The following SLC5A11 variants were observed in gnomAD, a reference collection of about 807,000 sequenced individuals.
The protein encoded by SLC5A11 is solute carrier family 5 member 11.
Under a neutral mutation model 69.8 loss-of-function variants are expected in SLC5A11, and 48 were observed. The ratio of observed to expected loss-of-function variants is 0.69; its 90% CI spans 0.55 to 0.87. The LOEUF (loss-of-function observed/expected upper bound fraction) is 0.87. Among genes scored for constraint, SLC5A11 ranks in the 40% least tolerant of loss-of-function variants. SLC5A11 has a pLI of 0.00. For missense variants in SLC5A11, 784 were observed against 866.1 expected, an observed-to-expected ratio of 0.91 and a Z score of 1.19; for synonymous variants, 319 against 342.4, an observed-to-expected ratio of 0.93 and a Z score of 0.75.
intron 10 of SLC5A11, among the ~76,000 whole-genome samples, chr16:24,900,321 A>G (rs2049488023): frequency 6.6e-6 from 1 of 152,214 alleles, no homozygotes; most frequent in Non-Finnish European, 1.5e-5. Flanking sequence ...AAGAAAGGGT[A>G]GGATGAAGTG....
At chr16:24,849,593 A>AAATAT in intron 1 of SLC5A11, among the ~76,000 whole-genome samples, 3 of 35,910 alleles carry the variant, frequency 8.4e-5, no homozygotes, top group East Asian at 1.4e-3. Flanking sequence ...AAAAAAAAAA[A>AAATAT]ATATATATAT....
chr16:24,877,737 G>A (rs774461069), intron 7 of SLC5A11, among the ~76,000 whole-genome samples: 15 of 152,094 alleles, frequency 9.9e-5, no homozygotes, highest in Non-Finnish European at 1.8e-4. Context: ...TGTAATCCCT[G>A]CACTTTGGGA....
chr16:24,865,286 C>A (rs1447160909), intron 3 of SLC5A11, among the ~76,000 whole-genome samples: 1 of 152,164 alleles, frequency 6.6e-6, no homozygotes. Flanking sequence ...TTCGGCTGGG[C>A]ACGGTGGCTC....
At chr16:24,902,421 A>G (rs1288898751) in intron 10 of SLC5A11, among the ~76,000 whole-genome samples, 2 of 152,112 alleles carry the variant, frequency 1.3e-5, no homozygotes, top group Admixed American at 1.3e-4. Flanking sequence ...TTGAATCCAG[A>G]TGTAGCTGAT....
exon 2 of SLC5A11, chr16:24,858,742 T>TCTGTACTTCCTCTTTGTC: frequency 6.2e-7 from 1 of 1,611,884 alleles, no homozygotes; most frequent in South Asian, 1.1e-5. Flanking sequence ...CGGTGCTAGT[T>TCTGTACTTCCTCTTTGTC]CTGTACTTCC....
chr16:24,910,625 A>G, intron 15 of SLC5A11, 148 bp downstream of exon 16: 2 of 889,174 alleles, frequency 2.2e-6, no homozygotes, highest in Non-Finnish European at 3.3e-6. Flanking sequence ...ATCTGTCCCC[A>G]CGCTCCGGCC....
intron 1 of SLC5A11, among the ~76,000 whole-genome samples, chr16:24,854,795 C>T (rs2059455868): frequency 6.6e-6 from 1 of 152,038 alleles, no homozygotes; most frequent in South Asian, 2.1e-4. Flanking sequence ...TTGAGACAAC[C>T]CACAAGGGTC....
chr16:24,870,061 C>T lies in SLC5A11; in HGVS notation c.312+56C>T, dbSNP rs546090888. ...TCTTACCTCTACCTAACAGGTAGAT[C>T]TCAGGGGAAAGTTGTGTGAATGCCC... On this transcript the variant is annotated intron_variant, in intron 4 of 15. Transcript: ENST00000347898. The T allele has an allele frequency of 2.6e-5, 32 of 1,253,068 alleles. No homozygotes were observed. The East Asian group carries it at 7.5e-4, about 29-fold the overall frequency. The allele number at this position is 1,253,068 out of a possible 1,614,324, so 77.6% of individuals were successfully genotyped here.
chr16:24,883,714 G>A (rs2048194563), intron 7 of SLC5A11, among the ~76,000 whole-genome samples: 1 of 152,194 alleles, frequency 6.6e-6, no homozygotes, highest in African/African-American at 2.4e-5. Flanking sequence ...GCTTCTTAAA[G>A]CAAATGGTCT....
intron 3 of SLC5A11, among the ~76,000 whole-genome samples, chr16:24,863,787 A>C (rs2046748117): frequency 6.6e-6 from 1 of 152,140 alleles, no homozygotes; most frequent in Non-Finnish European, 1.5e-5. Context: ...CCCTGTTTCC[A>C]TCTCTCTCTC....
chr16:24,904,653 G>C (rs1225863591), intron 10 of SLC5A11, among the ~76,000 whole-genome samples: 2 of 152,042 alleles, frequency 1.3e-5, no homozygotes, highest in African/African-American at 4.8e-5. Flanking sequence ...GGCTCCACTG[G>C]CTCCCTCCTA....
chr16:24,882,899 G>C (rs951652797), intron 7 of SLC5A11, among the ~76,000 whole-genome samples: 1 of 152,150 alleles, frequency 6.6e-6, no homozygotes, highest in Non-Finnish European at 1.5e-5. Context: ...GTCTGCCTCA[G>C]CCTCCCAAAG....
At chr16:24,868,596 CAA>C (rs71156448) in intron 3 of SLC5A11, among the ~76,000 whole-genome samples, 5 of 123,912 alleles carry the variant, frequency 4.0e-5, no homozygotes, top group Non-Finnish European at 6.6e-5. Context: ...GACTCCGCCT[CAA>C]AAAAAAAAAA....
Position 24,902,657 on chromosome 16 carries a change from C to T in SLC5A11, c.1007-4000C>T, listed in dbSNP as rs148164740. ...CTGCCTCCTGGGTTGAAGCGATTCT[C>T]CTGCCTCAGCCTCCTGGGATTACAG... On this transcript the variant is annotated intron_variant, in intron 10 of 15. Transcript: ENST00000347898. Among the ~76,000 whole-genome samples, 548 of 151,076 alleles carry T rather than the reference C, an allele frequency of 3.6e-3. 2 individuals are homozygous for T. Among genetic ancestry groups the T allele is most frequent in the South Asian group, 0.012 (57 of 4,780 alleles).
intron 6 of SLC5A11, chr16:24,876,977 G>C: frequency 1.3e-6 from 1 of 784,380 alleles, no homozygotes; most frequent in Non-Finnish European, 1.7e-6. Context: ...TGATCATTAT[G>C]GTATTTAATG....
chr16:24,911,093 T>A (rs1466808697), intron 15 of SLC5A11, among the ~76,000 whole-genome samples: 3 of 140,794 alleles, frequency 2.1e-5, no homozygotes, highest in Admixed American at 7.6e-5. Context: ...CGCTTGAACC[T>A]GGGAGGTGGA....
At chr16:24,907,818 G>T in intron 12 of SLC5A11, 145 bp from the exon 14 acceptor site, 1 of 972,426 alleles carries the variant, frequency 1.0e-6, no homozygotes, top group Non-Finnish European at 1.5e-6. Context: ...CCCAGGAGTT[G>T]GAGGCTGCAG....
intron 3 of SLC5A11, among the ~76,000 whole-genome samples, chr16:24,869,160 G>A (rs368262854): frequency 1.3e-5 from 2 of 152,090 alleles, no homozygotes; most frequent in African/African-American, 4.8e-5. Context: ...GAGCCAGAGC[G>A]CCCGGCTGGA....
At chr16:24,868,956 C>T (rs1206643845) in intron 3 of SLC5A11, among the ~76,000 whole-genome samples, 7 of 151,692 alleles carry the variant, frequency 4.6e-5, no homozygotes, top group Non-Finnish European at 7.4e-5. Context: ...CAACCTCCAC[C>T]TCCCGGGCTC....
Sources: allele counts gnomAD v4.1 joint callset (sites outside exome capture counted in the v4.1 genomes callset), GRCh38; gene constraint gnomAD v4.1.1; transcripts MANE v1.5; gene names NCBI Gene and HGNC (gene_info 2026-07-23, HGNC 2026-07-21).